The following KDM4C variants were observed in gnomAD, a reference collection of about 807,000 sequenced individuals.
KDM4C encodes lysine-specific demethylase 4C.
Under a neutral mutation model 129.3 loss-of-function variants are expected in KDM4C, and 81 were observed. The ratio of observed to expected loss-of-function variants is 0.63; its 90% confidence interval spans 0.52 to 0.75. KDM4C has a LOEUF of 0.75. KDM4C is among the 30% of genes least tolerant of loss of function. The probability of loss-of-function intolerance (pLI) is 0.00; values close to 1 mark genes in which losing one functional copy is unlikely to be tolerated. For synonymous variants in KDM4C, 573 were observed against 456.1 expected (o/e 1.26, Z -3.26); for missense variants, 1,457 against 1,304.0 (o/e 1.12, Z -1.81).
At chr9:6,828,181 A>T (rs926687583) in intron 4 of KDM4C, among the ~76,000 whole-genome samples, 1 of 151,838 alleles carries the variant, frequency 6.6e-6, no homozygotes, top group African/African-American at 2.4e-5. Context: ...GGAGCCTCGC[A>T]CTGTCGCCCA....
At chr9:7,052,020 C>T (rs1307661979) in intron 17 of KDM4C, among the ~76,000 whole-genome samples, 2 of 152,176 alleles carry the variant, frequency 1.3e-5, no homozygotes, top group South Asian at 4.1e-4. Context: ...CACGGGTCTA[C>T]AGCGAAGATA....
chr9:6,908,273 A>G (rs1315666563), intron 8 of KDM4C, among the ~76,000 whole-genome samples: 1 of 152,170 alleles, frequency 6.6e-6, no homozygotes, highest in African/African-American at 2.4e-5. Context: ...TCTTTTGTGA[A>G]ATGAGGTTAT....
At chr9:6,782,728 G>A (rs1217088837) in intron 1 of KDM4C, among the ~76,000 whole-genome samples, 2 of 152,128 alleles carry the variant, frequency 1.3e-5, no homozygotes. Flanking sequence ...ATACTGGAAC[G>A]ATATTGAGCT....
At chr9:6,821,718 C>G (rs1479013393) in intron 4 of KDM4C, among the ~76,000 whole-genome samples, 2 of 151,876 alleles carry the variant, frequency 1.3e-5, no homozygotes, top group Admixed American at 6.6e-5. Flanking sequence ...CGGTCTCAAC[C>G]TTCACCCCCG....
At chr9:6,832,245 C>T (rs192968292) in intron 4 of KDM4C, among the ~76,000 whole-genome samples, 83 of 149,258 alleles carry the variant, frequency 5.6e-4, no homozygotes, top group African/African-American at 1.9e-3. Context: ...GAGGCTGAGG[C>T]AGGAGAATGG....
At chr9:7,128,862 C>T (rs975519728) in intron 19 of KDM4C, among the ~76,000 whole-genome samples, 3 of 152,118 alleles carry the variant, frequency 2.0e-5, no homozygotes, top group Non-Finnish European at 2.9e-5. Flanking sequence ...CAGCAAACAC[C>T]TTGGGGCTCA....
At chr9:7,111,451 CTA>C (rs2133217730) in intron 18 of KDM4C, among the ~76,000 whole-genome samples, 1 of 152,120 alleles carries the variant, frequency 6.6e-6, no homozygotes, top group South Asian at 2.1e-4. Context: ...GCAACCTGTA[CTA>C]TTATTATCTT....
At chr9:6,858,674 G>A (rs567011879) in intron 5 of KDM4C, among the ~76,000 whole-genome samples, 6 of 152,146 alleles carry the variant, frequency 3.9e-5, no homozygotes, top group African/African-American at 1.4e-4. Context: ...TCAAGAGGCT[G>A]TAGCATGAGA....
intron 8 of KDM4C, among the ~76,000 whole-genome samples, chr9:6,944,824 G>A (rs1441352385): frequency 2.0e-5 from 3 of 151,920 alleles, no homozygotes; most frequent in Non-Finnish European, 4.4e-5. Flanking sequence ...GCAGAATGTG[G>A]GGGCAATTGT....
intron 17 of KDM4C, among the ~76,000 whole-genome samples, chr9:7,052,956 A>C (rs1015934980): frequency 9.4e-6 from 1 of 106,766 alleles, no homozygotes; most frequent in Non-Finnish European, 1.9e-5. Context: ...CTCGTGATGC[A>C]TTCAAAGTGT....
intron 1 of KDM4C, among the ~76,000 whole-genome samples, chr9:6,773,198 C>G (rs1260272509): frequency 1.3e-5 from 2 of 151,790 alleles, no homozygotes; most frequent in African/African-American, 4.8e-5. Flanking sequence ...GACAGGGTCT[C>G]CCTATATTGC....
chr9:7,170,772 C>T (rs985927815), intron 21 of KDM4C: 3 of 983,818 alleles, frequency 3.0e-6, no homozygotes, highest in Non-Finnish European at 3.6e-6. Flanking sequence ...GATAGAGTCA[C>T]TATAGATTAT....
At chr9:6,916,190 G>A (rs1463443226) in intron 8 of KDM4C, among the ~76,000 whole-genome samples, 7 of 151,996 alleles carry the variant, frequency 4.6e-5, no homozygotes, top group African/African-American at 1.7e-4. Context: ...GTTTAGAAGG[G>A]TGGGTGGAGC....
At chr9:6,923,889 G>A (rs1274775733) in intron 8 of KDM4C, among the ~76,000 whole-genome samples, 1 of 152,158 alleles carries the variant, frequency 6.6e-6, no homozygotes, top group Non-Finnish European at 1.5e-5. Flanking sequence ...TTATCTGTAA[G>A]AGAAAAAAGC....
Position 6,984,252 on chromosome 9 carries a change from C to A in KDM4C, c.1202C>A (p.Pro401His), listed in dbSNP as rs758562696. The change falls in exon 10 of 22, where the codon CCT (proline) becomes CAT (histidine). Residue 401 changes from proline (P) to histidine (H), a missense_variant. Transcript: ENST00000381309. The part of the protein sequence containing the change: ...VSDEVDGAEV[P>H]NPDSVTDDLK... Reference sequence around the variant, plus strand: ...GATGAAGTCGATGGGGCAGAGGTCCCTAACCCCGACTCAGTCACAGATGAC... The same window carrying A: ...GATGAAGTCGATGGGGCAGAGGTCCATAACCCCGACTCAGTCACAGATGAC... 4 of 1,614,010 alleles carry A rather than the reference C, an allele frequency of 2.5e-6. No homozygotes were observed. The South Asian group carries it at 3.3e-5, about 13-fold the overall frequency.
chr9:6,743,916 A>ATT (rs35581518), intron 1 of KDM4C, among the ~76,000 whole-genome samples: 2 of 143,312 alleles, frequency 1.4e-5, no homozygotes, highest in Non-Finnish European at 3.1e-5. Flanking sequence ...ATCCTCTCCA[A>ATT]TTTTTTTTTT....
At position 6,723,630 on chromosome 9, in the gene KDM4C, CAAA is replaced by C. The variant is rs4008336; in HGVS notation, c.49+2651_49+2653del. On this transcript the variant is annotated intron_variant, in intron 1 of 17. Coordinates refer to the KDM4C transcript ENST00000536108. ...TGGGCAACAGAGCGAGACTCCATCT[CAAA>C]AAAAAAAAAAAAAAAAATTGGGGAC... 428 of 112,084 alleles carry C rather than the reference CAAA, an allele frequency of 3.8e-3. 1 individual carries two copies. Among genetic ancestry groups the C allele is most frequent in the Non-Finnish European group, 4.0e-3 (217 of 54,256 alleles). The allele number at this position is 112,084 out of a possible 1,614,324, so 6.9% of individuals were successfully genotyped here. A position where few individuals can be genotyped will look rare whatever the true frequency, so the allele number is the denominator to read the frequency against.
chr9:6,986,376 G>T lies in KDM4C; in HGVS notation c.1387G>T (p.Asp463Tyr), dbSNP rs371870869. 1.2e-6 allele frequency: 2 copies of T among 1,612,710 alleles called. No homozygotes were observed. Among genetic ancestry groups the T allele is most frequent in the Admixed American group, 1.7e-5 (1 of 59,928 alleles). The change falls in exon 11 of 22, where the codon GAC (aspartate) becomes TAC (tyrosine). Residue 463 changes from aspartate to tyrosine, a missense_variant. Coordinates refer to ENST00000381309, the MANE Select transcript of KDM4C (RefSeq NM_015061.6). ...NSCLSTSVTE[D>Y]IKTEDDKAYA... ...CTGCTTAAGTACATCTGTAACAGAA[G>T]ACATAAAAACTGAGGATGACAAAGC... is the stretch of plus-strand genomic sequence containing the variant.
At chr9:6,867,806 A>G (rs753920460) in intron 5 of KDM4C, among the ~76,000 whole-genome samples, 1 of 152,222 alleles carries the variant, frequency 6.6e-6, no homozygotes, top group South Asian at 2.1e-4. Flanking sequence ...CTAACAGTTG[A>G]CACACAAAGC....
Sources: allele counts gnomAD v4.1 joint callset (sites outside exome capture counted in the v4.1 genomes callset), GRCh38; gene constraint gnomAD v4.1.1; transcripts MANE v1.5; gene names NCBI Gene and HGNC (gene_info 2026-07-23, HGNC 2026-07-21).